The following ST6GALNAC2 variants were observed in gnomAD, a reference collection of about 807,000 sequenced individuals.
ST6GALNAC2 encodes the protein ST6 N-acetylgalactosaminide alpha-2,6-sialyltransferase 2.
ST6GALNAC2 carries 42 observed loss-of-function variants against 38.7 expected under a neutral mutation model. The ratio of observed to expected loss-of-function variants is 1.09; its 90% CI spans 0.85 to 1.40. The LOEUF is 1.40. Among genes scored for constraint, ST6GALNAC2 ranks in the 40% most tolerant of loss-of-function variants. ST6GALNAC2 has a pLI of 0.00. For synonymous variants in ST6GALNAC2, 233 were observed against 209.0 expected, an observed-to-expected ratio of 1.11 and a Z score of -0.99; for missense variants, 506 against 481.7, an observed-to-expected ratio of 1.05 and a Z score of -0.47.
chr17:76,585,037 G>A (rs1168343315), intron 1 of ST6GALNAC2, among the ~76,000 whole-genome samples: 1 of 152,272 alleles, frequency 6.6e-6, no homozygotes, highest in East Asian at 1.9e-4. Context: ...GGAGGGAGTG[G>A]AGCGCAGGAC....
intron 2 of ST6GALNAC2, among the ~76,000 whole-genome samples, chr17:76,576,090 G>T (rs995935828): frequency 6.6e-6 from 1 of 151,978 alleles, no homozygotes; most frequent in East Asian, 1.9e-4. Flanking sequence ...GCAAAAAAAT[G>T]TTTTTTCATT....
At chr17:76,567,763 C>A in intron 7 of ST6GALNAC2, 1 of 494,222 alleles carries the variant, frequency 2.0e-6, no homozygotes, top group Non-Finnish European at 3.7e-6. Context: ...ACCACAGGTT[C>A]CCCCTTTTGG....
At position 76,567,450 on chromosome 17, in the gene ST6GALNAC2, T is replaced by TA; in HGVS notation, c.957+2dup. ...TGGGCTTCTGGAAGAGAAGGCCTCT[T>TA]ACCTGGTCACAGGTATGCAAAGCTG... On this transcript the variant is annotated splice_region_variant and intron_variant, in intron 8 of 8. Transcript: ENST00000225276. 1 of 1,611,096 alleles carries TA rather than the reference T, an allele frequency of 6.2e-7. No individual in the cohort carries two copies. Among genetic ancestry groups the TA allele is most frequent in the South Asian group, 1.1e-5 (1 of 91,002 alleles).
At position 76,570,667 on chromosome 17, in the gene ST6GALNAC2, T is replaced by A; in HGVS notation, c.671A>T (p.Asp224Val). The A allele has an allele frequency of 1.2e-6, 2 of 1,608,664 alleles. No homozygotes were observed. The highest frequency in any genetic ancestry group is 1.7e-6 in the Non-Finnish European group (2 of 1,177,390). The change falls in exon 6 of 9, where the codon GAC becomes GTC. Residue 224 changes from aspartate (D) to valine (V), a missense_variant and splice_region_variant. Asp to Val is a radical substitution (Grantham distance 152). Transcript: ENST00000225276. ...LGFTSVPQGQDLQYIFIPSDI... is the reference protein window; with the variant it reads ...LGFTSVPQGQVLQYIFIPSDI... ...TGAGGGGATGAAGATATACTGCAGG[T>A]CCTGTCAGAATAGAGACAATGAGCC...
intron 2 of ST6GALNAC2, among the ~76,000 whole-genome samples, chr17:76,577,573 AT>A (rs71158024): frequency 0.05 from 5,877 of 117,054 alleles, 330 homozygotes; most frequent in African/African-American, 0.17. Flanking sequence ...TGGCCTCTGT[AT>A]TTTTTTTTTT....
intron 1 of ST6GALNAC2, chr17:76,581,006 T>A (rs1254778321): frequency 6.6e-6 from 1 of 151,970 alleles, no homozygotes; most frequent in African/African-American, 2.4e-5. Flanking sequence ...CTCAGACCCC[T>A]CCCTTCACCC....
chr17:76,572,659 A>G lies in ST6GALNAC2; in HGVS notation c.647T>C (p.Phe216Ser), dbSNP rs745884042. The change falls in exon 5 of 9, where the codon TTC becomes TCC. Residue 216 changes from phenylalanine to serine, a missense_variant. Transcript: ENST00000225276. Reference sequence around the variant, plus strand: ...CACCTGTCCTTGTGGCACGGAGGTGAAGCCCAGATTCCAGTAGGAGACGAG... The same window carrying G: ...CACCTGTCCTTGTGGCACGGAGGTGGAGCCCAGATTCCAGTAGGAGACGAG... ...NSLVSYWNLGFTSVPQGQDLQ... is the reference protein window; with the variant it reads ...NSLVSYWNLGSTSVPQGQDLQ... 13 of 1,614,124 alleles carry G rather than the reference A, an allele frequency of 8.1e-6. No individual in the cohort carries two copies. Among genetic ancestry groups the G allele is most frequent in the Admixed American group, 1.7e-5 (1 of 60,022 alleles).
chr17:76,577,063 C>CT (rs201269670), intron 2 of ST6GALNAC2, among the ~76,000 whole-genome samples: 13 of 116,550 alleles, frequency 1.1e-4, no homozygotes, highest in African/African-American at 4.9e-4. Context: ...TCTTTTTTTT[C>CT]TTTTTTTTTT....
At chr17:76,566,519 T>G (rs189531147) in intron 8 of ST6GALNAC2, among the ~76,000 whole-genome samples, 47 of 152,112 alleles carry the variant, frequency 3.1e-4, no homozygotes, top group African/African-American at 1.1e-3. Context: ...CCATTACTAC[T>G]CTCTCCATCC....
At chr17:76,572,844 G>A (rs1490904651) in intron 4 of ST6GALNAC2, 69 bp from the exon 5 acceptor site, 55 of 1,581,366 alleles carry the variant, frequency 3.5e-5, no homozygotes, top group South Asian at 4.4e-5. Context: ...CCATCTCCAC[G>A]GCTCTGCCTG....
intron 2 of ST6GALNAC2, among the ~76,000 whole-genome samples, chr17:76,577,242 A>AT (rs961157803): frequency 3.3e-5 from 5 of 150,292 alleles, no homozygotes; most frequent in African/African-American, 7.3e-5. Flanking sequence ...AATTTTTTGT[A>AT]TTTTTTGTAG....
intron 7 of ST6GALNAC2, chr17:76,567,763 C>T (rs2075303195): frequency 4.0e-6 from 2 of 494,222 alleles, no homozygotes; most frequent in Non-Finnish European, 7.3e-6. Context: ...ACCACAGGTT[C>T]CCCCTTTTGG....
In ST6GALNAC2 at chr17:76,567,506, T is replaced by C. The variant is rs1396332785; in HGVS notation, c.904A>G (p.Met302Val). The change falls in exon 8 of 9, where the codon ATG (methionine) becomes GTG (valine). Residue 302 changes from methionine to valine, a missense_variant. Physicochemically the swap from Met to Val is conservative, Grantham distance 21. Transcript: ENST00000225276. Reference protein sequence around the residue: ...LINTHFGDLYMPSTGALMLLT... With the variant: ...LINTHFGDLYVPSTGALMLLT... Reference sequence around the variant, plus strand: ...AGCATGAGAGCCCCGGTACTAGGCATATATAGGTCTCCAAAATGTGTGTTA... The same window carrying C: ...AGCATGAGAGCCCCGGTACTAGGCACATATAGGTCTCCAAAATGTGTGTTA... 1 of 1,613,986 alleles carries C rather than the reference T, an allele frequency of 6.2e-7. No individual in the cohort carries two copies. The highest frequency in any genetic ancestry group is 1.1e-5 in the South Asian group (1 of 91,080).
intron 1 of ST6GALNAC2, among the ~76,000 whole-genome samples, chr17:76,581,991 C>T (rs2075481500): frequency 6.6e-6 from 1 of 151,914 alleles, no homozygotes; most frequent in Admixed American, 6.6e-5. Flanking sequence ...CCTCAGCTTC[C>T]CAAGTAGCTG....
chr17:76,575,639 G>A (rs568953001), intron 2 of ST6GALNAC2, among the ~76,000 whole-genome samples: 14 of 152,136 alleles, frequency 9.2e-5, no homozygotes, highest in African/African-American at 3.4e-4. Context: ...TCTGTGGATC[G>A]AAGCCCCCCA....
chr17:76,566,310 G>A (rs375494973), intron 8 of ST6GALNAC2, 39 bp from the exon 9 acceptor site: 81 of 1,606,068 alleles, frequency 5.0e-5, no homozygotes, highest in African/African-American at 1.7e-4. Context: ...TTTGTTGAGC[G>A]TCTAGTGTGT....
intron 1 of ST6GALNAC2, among the ~76,000 whole-genome samples, chr17:76,581,345 AG>A (rs35443121): frequency 3.9e-5 from 6 of 152,028 alleles, no homozygotes. Context: ...GAGAACCCCC[AG>A]GGAGGCTTGA....
intron 2 of ST6GALNAC2, among the ~76,000 whole-genome samples, chr17:76,575,044 G>A (rs2075400159): frequency 6.6e-6 from 1 of 152,140 alleles, no homozygotes; most frequent in Admixed American, 6.5e-5. Flanking sequence ...AGCCTGCCTA[G>A]CTCTTCCTCT....
At position 76,565,766 on chromosome 17, in the gene ST6GALNAC2, G is replaced by C. The variant is rs1265184004; in HGVS notation, c.*338C>G. ...TGTGCCACCAGGAGGATTTGGGCTG[G>C]AGCGTGTGTGTTTGCCTTTGACCTG... is the stretch of plus-strand genomic sequence containing the variant. On this transcript the variant is annotated 3_prime_UTR_variant, in exon 9 of 9. Coordinates refer to ENST00000225276, the MANE Select transcript of ST6GALNAC2 (RefSeq NM_006456.3). 9.0e-6 allele frequency: 2 copies of C among 221,120 alleles called. No individual in the cohort carries two copies. Among genetic ancestry groups the C allele is most frequent in the Admixed American group, 5.2e-5 (1 of 19,134 alleles). 13.7% of individuals were successfully genotyped at this position (221,120 alleles called of 1,614,324 possible).
Sources: allele counts gnomAD v4.1 joint callset (sites outside exome capture counted in the v4.1 genomes callset), GRCh38; gene constraint gnomAD v4.1.1; transcripts MANE v1.5; gene names NCBI Gene and HGNC (gene_info 2026-07-23, HGNC 2026-07-21).